GABRB1: variants seen among roughly 807,000 people sequenced by gnomAD.
The protein encoded by GABRB1 is gamma-aminobutyric acid receptor subunit beta-1.
In GABRB1, 17 loss-of-function variants were observed where a neutral mutation model predicts 51.6. The observed-to-expected ratio is 0.33, with a 90% CI of 0.23 to 0.49. GABRB1 has a LOEUF of 0.49. Among genes scored for constraint, GABRB1 ranks in the 20% least tolerant of loss-of-function variants. GABRB1 has a pLI of 0.99. For synonymous variants in GABRB1, 247 were observed against 218.9 expected (o/e 1.13, Z -1.14); for missense variants, 410 against 600.6 (o/e 0.68, Z 3.32).
intron 5 of GABRB1, among the ~76,000 whole-genome samples, chr4:47,325,494 TTGA>T (rs1033828855): frequency 6.6e-6 from 1 of 152,058 alleles, no homozygotes; most frequent in African/African-American, 2.4e-5. Context: ...ACTTCTTAAC[TTGA>T]TCTTCAAGCT....
At chr4:47,145,676 A>AT (rs1717137961) in intron 3 of GABRB1, among the ~76,000 whole-genome samples, 1 of 152,034 alleles carries the variant, frequency 6.6e-6, no homozygotes, top group Admixed American at 6.6e-5. Context: ...AAATCAGGGA[A>AT]TGCATATATA....
chr4:47,227,543 A>T (rs1720987583), intron 4 of GABRB1, among the ~76,000 whole-genome samples: 1 of 152,086 alleles, frequency 6.6e-6, no homozygotes, highest in Non-Finnish European at 1.5e-5. Flanking sequence ...ATAACCAAGG[A>T]ATTAGCTGAT....
chr4:47,340,196 C>A (rs1725832463), intron 5 of GABRB1, among the ~76,000 whole-genome samples: 1 of 151,816 alleles, frequency 6.6e-6, no homozygotes, highest in African/African-American at 2.4e-5. Flanking sequence ...GTAATTTCAG[C>A]CTGCAGCACC....
intron 8 of GABRB1, among the ~76,000 whole-genome samples, chr4:47,421,990 C>T (rs1729105341): frequency 6.6e-6 from 1 of 152,088 alleles, no homozygotes; most frequent in South Asian, 2.1e-4. Context: ...CTCATCACTT[C>T]AACCCTACCA....
intron 4 of GABRB1, among the ~76,000 whole-genome samples, chr4:47,167,031 T>A (rs950855342): frequency 1.3e-5 from 2 of 152,180 alleles, no homozygotes; most frequent in Non-Finnish European, 2.9e-5. Flanking sequence ...TGTACAGGAT[T>A]GTGTATTTGT....
intron 1 of GABRB1, among the ~76,000 whole-genome samples, chr4:47,012,828 G>T (rs55807334): frequency 0.49 from 73,920 of 151,998 alleles, 18,135 homozygotes; most frequent in East Asian, 0.53. Flanking sequence ...TCTTAGCTAA[G>T]AAGTAACCTA....
intron 4 of GABRB1, among the ~76,000 whole-genome samples, chr4:47,248,584 C>T (rs1233691056): frequency 6.6e-6 from 1 of 151,968 alleles, no homozygotes; most frequent in Non-Finnish European, 1.5e-5. Context: ...GGATTGGTAC[C>T]AATTCTTCTT....
At chr4:47,077,175 T>G (rs1727593750) in intron 3 of GABRB1, among the ~76,000 whole-genome samples, 1 of 152,142 alleles carries the variant, frequency 6.6e-6, no homozygotes, top group African/African-American at 2.4e-5. Flanking sequence ...TCTATCGAAA[T>G]GTACCGGAGT....
intron 4 of GABRB1, among the ~76,000 whole-genome samples, chr4:47,257,569 G>GGATTGGTGAGAAGTT: frequency 6.6e-6 from 1 of 151,754 alleles, no homozygotes; most frequent in Non-Finnish European, 1.5e-5. Flanking sequence ...GAGGGAGGGT[G>GGATTGGTGAGAAGTT]GATTGGTGAG....
chr4:47,306,434 GGAAGGGAGAGGA>G (rs1285951706), intron 4 of GABRB1, among the ~76,000 whole-genome samples: 5 of 151,204 alleles, frequency 3.3e-5, no homozygotes, highest in African/African-American at 1.2e-4. Context: ...AGAGATAGGA[GGAAGGGAGAGGA>G]GAAGGGAGGG....
At chr4:47,216,612 G>A (rs930167609) in intron 4 of GABRB1, among the ~76,000 whole-genome samples, 6 of 151,824 alleles carry the variant, frequency 4.0e-5, no homozygotes, top group Admixed American at 6.6e-5. Flanking sequence ...AGAGATTTCT[G>A]ATGGGAATTG....
chr4:47,222,176 C>T (rs1299828961), intron 4 of GABRB1, among the ~76,000 whole-genome samples: 1 of 152,162 alleles, frequency 6.6e-6, no homozygotes, highest in Non-Finnish European at 1.5e-5. Context: ...AGGCTACTCA[C>T]ATTTCTCTCT....
At chr4:47,256,403 C>T (rs895220657) in intron 4 of GABRB1, among the ~76,000 whole-genome samples, 1 of 152,160 alleles carries the variant, frequency 6.6e-6, no homozygotes, top group Non-Finnish European at 1.5e-5. Flanking sequence ...GATAAAAAAT[C>T]CCCCATGTGT....
intron 4 of GABRB1, among the ~76,000 whole-genome samples, chr4:47,269,399 A>T (rs1431914150): frequency 6.6e-6 from 1 of 152,182 alleles, no homozygotes; most frequent in Non-Finnish European, 1.5e-5. Context: ...AGAAAACAGA[A>T]TTTCATTGGA....
chr4:47,199,656 G>A (rs1385724694), intron 4 of GABRB1, among the ~76,000 whole-genome samples: 1 of 152,134 alleles, frequency 6.6e-6, no homozygotes, highest in African/African-American at 2.4e-5. Context: ...ACAAGGTGAA[G>A]GACATGGGAC....
At chr4:47,360,075 G>C (rs1201677726) in intron 5 of GABRB1, among the ~76,000 whole-genome samples, 2 of 151,470 alleles carry the variant, frequency 1.3e-5, no homozygotes, top group Non-Finnish European at 2.9e-5. Flanking sequence ...ATTACAAGAT[G>C]TACAACAAAG....
At position 47,110,016 on chromosome 4, in the gene GABRB1, A is replaced by G. The variant is rs181015973; in HGVS notation, c.241-51233A>G. Among the ~76,000 whole-genome samples the G allele has an allele frequency of 3.2e-3, 486 of 152,230 alleles. 2 individuals are homozygous for G. Among genetic ancestry groups the G allele is most frequent in the Non-Finnish European group, 4.1e-3 (280 of 67,980 alleles). On this transcript the variant is annotated intron_variant, in intron 3 of 8. Transcript: ENST00000295454. ...GCCAATGGGGTGATATTAAGCATTG[A>G]GTTTGGGTCAAGAAGGGGGCTGTAA...
At chr4:47,416,949 A>T (rs1192767428) in intron 8 of GABRB1, among the ~76,000 whole-genome samples, 5 of 152,200 alleles carry the variant, frequency 3.3e-5, no homozygotes, top group Admixed American at 3.3e-4. Context: ...GCTCATAAAA[A>T]TTTTTTAAAA....
At chr4:47,037,388 TA>T (rs1233919381) in intron 3 of GABRB1, among the ~76,000 whole-genome samples, 2 of 152,204 alleles carry the variant, frequency 1.3e-5, no homozygotes, top group African/African-American at 4.8e-5. Context: ...AGCTAGCATG[TA>T]AATACATTTT....
Sources: allele counts gnomAD v4.1 joint callset (sites outside exome capture counted in the v4.1 genomes callset), GRCh38; gene constraint gnomAD v4.1.1; transcripts MANE v1.5; gene names NCBI Gene and HGNC (gene_info 2026-07-23, HGNC 2026-07-21).